Variants in SGPL1 observed in about 807,000 individuals in gnomAD.
SGPL1 encodes the protein SP-lyase 1.
Under a neutral mutation model 68.9 loss-of-function variants are expected in SGPL1, and 37 were observed. The observed-to-expected ratio is 0.54, with a 90% CI of 0.41 to 0.71. The LOEUF (loss-of-function observed/expected upper bound fraction) is 0.71. SGPL1 is among the 30% of genes least tolerant of loss of function. The probability of loss-of-function intolerance (pLI) is 0.00; values close to 1 mark genes in which losing one functional copy is unlikely to be tolerated. For synonymous variants in SGPL1, 236 were observed against 248.5 expected (o/e 0.95, Z 0.47); for missense variants, 551 against 704.6 (o/e 0.78, Z 2.47).
intron 2 of SGPL1, among the ~76,000 whole-genome samples, chr10:70,825,364 C>T (rs1339079913): frequency 2.0e-5 from 3 of 152,118 alleles, no homozygotes; most frequent in South Asian, 2.1e-4. Context: ...GGCACATAGC[C>T]GAGCTGGAAA....
chr10:70,839,966 T>C (rs906297319), intron 2 of SGPL1, among the ~76,000 whole-genome samples: 1 of 152,096 alleles, frequency 6.6e-6, no homozygotes, highest in Non-Finnish European at 1.5e-5. Flanking sequence ...CAAATTTGTT[T>C]TGGGCTACAT....
intron 8 of SGPL1, 60 bp from the exon 9 acceptor site, chr10:70,869,732 A>C: frequency 8.1e-7 from 1 of 1,232,520 alleles, no homozygotes; most frequent in Non-Finnish European, 1.2e-6. Context: ...ATTAGCTGCT[A>C]ATGGTGTTTT....
intron 2 of SGPL1, 119 bp from the exon 3 acceptor site, chr10:70,844,354 A>G (rs1845758878): frequency 3.5e-6 from 3 of 852,992 alleles, no homozygotes; most frequent in Non-Finnish European, 5.3e-6. Flanking sequence ...TTATTGCTGA[A>G]GAAGGGCAAG....
At chr10:70,853,821 C>G (rs1845922362) in intron 4 of SGPL1, among the ~76,000 whole-genome samples, 2 of 152,210 alleles carry the variant, frequency 1.3e-5, no homozygotes, top group Admixed American at 1.3e-4. Flanking sequence ...AAGCTGTCGA[C>G]AGCAGCTTAA....
rs376831632 is a variant in SGPL1 at position 70,857,647 on chromosome 10, C to T, written c.443C>T (p.Thr148Ile). The T allele has an allele frequency of 6.6e-5, 107 of 1,613,244 alleles. 1 individual carries two copies. Among genetic ancestry groups the T allele is most frequent in the Non-Finnish European group, 8.9e-5 (105 of 1,179,542 alleles). Residue 148 changes from threonine (T) to isoleucine (I), a missense_variant, in exon 6 of 15, where the codon ACA (threonine) becomes ATA (isoleucine). Thr to Ile is a moderately conservative substitution (Grantham distance 89, BLOSUM62 -1). Transcript: ENST00000373202. ...AFWQEGRASG[T>I]VYSGEEKLTE... ...TGGCAAGAGGGGAGAGCCTCTGGAACAGTGTACAGTGGGGAGGAGAAGCTC... is the reference window on the plus strand; with the variant it reads ...TGGCAAGAGGGGAGAGCCTCTGGAATAGTGTACAGTGGGGAGGAGAAGCTC...
Position 70,835,651 on chromosome 10 carries a change from G to A in SGPL1, c.28-8822G>A, listed in dbSNP as rs528960916. Among the ~76,000 whole-genome samples, 6 of 151,254 alleles carry A rather than the reference G, an allele frequency of 4.0e-5. No homozygotes were observed. The East Asian group carries it at 1.2e-3, about 29-fold the overall frequency. On this transcript the variant is annotated intron_variant, in intron 2 of 14. Transcript: ENST00000373202. Reference sequence around the variant, plus strand: ...CTTGGGAGGCTGAGGCAGGAGAATGGCTTGAACCCGGGAGGTGGAGTTTGC... The same window carrying A: ...CTTGGGAGGCTGAGGCAGGAGAATGACTTGAACCCGGGAGGTGGAGTTTGC...
chr10:70,855,408 G>C (rs1211556557), intron 5 of SGPL1, among the ~76,000 whole-genome samples: 2 of 152,210 alleles, frequency 1.3e-5, no homozygotes, highest in East Asian at 3.8e-4. Context: ...AGACCAAATA[G>C]CTTGGTGCTT....
intron 7 of SGPL1, among the ~76,000 whole-genome samples, chr10:70,863,065 G>T (rs1397268295): frequency 1.3e-5 from 2 of 152,118 alleles, no homozygotes; most frequent in East Asian, 3.9e-4. Context: ...GCTCACTGCA[G>T]CCTTGACCTC....
chr10:70,822,668 A>G (rs187186415), intron 2 of SGPL1, among the ~76,000 whole-genome samples: 1 of 152,340 alleles, frequency 6.6e-6, no homozygotes, highest in African/African-American at 2.4e-5. Context: ...TATATCAGTC[A>G]TATCTTGGCA....
chr10:70,828,381 G>C (rs1409809411), intron 2 of SGPL1, among the ~76,000 whole-genome samples: 1 of 152,156 alleles, frequency 6.6e-6, no homozygotes, highest in Non-Finnish European at 1.5e-5. Context: ...GAGTGCGGTG[G>C]TGCGATCATG....
intron 2 of SGPL1, among the ~76,000 whole-genome samples, chr10:70,827,401 C>T (rs1845456147): frequency 6.6e-6 from 1 of 152,102 alleles, no homozygotes; most frequent in Admixed American, 6.6e-5. Context: ...TGTATATTTG[C>T]TGAGATTTTG....
chr10:70,816,428 G>T (rs7086696), intron 1 of SGPL1, among the ~76,000 whole-genome samples: 5 of 152,192 alleles, frequency 3.3e-5, no homozygotes, highest in African/African-American at 1.2e-4. Context: ...ACGAGAGCGA[G>T]GCCGTGCTGA....
intron 2 of SGPL1, among the ~76,000 whole-genome samples, chr10:70,829,157 A>G (rs1020644353): frequency 3.3e-5 from 5 of 152,218 alleles, no homozygotes; most frequent in Non-Finnish European, 7.3e-5. Context: ...CTGAAAACAC[A>G]CAGGTTTACG....
At chr10:70,851,372 G>C (rs1223004420) in intron 4 of SGPL1, among the ~76,000 whole-genome samples, 162 bp downstream of exon 4, 3 of 152,118 alleles carry the variant, frequency 2.0e-5, no homozygotes, top group Non-Finnish European at 1.5e-5. Flanking sequence ...GTCACAGCTT[G>C]GATGGAGGGG....
intron 6 of SGPL1, among the ~76,000 whole-genome samples, chr10:70,858,390 G>C (rs1419054893): frequency 1.3e-5 from 2 of 152,072 alleles, no homozygotes; most frequent in Non-Finnish European, 2.9e-5. Context: ...CTCCTGCCTT[G>C]GCCTCTGAAA....
At chr10:70,857,737 T>C (rs1422210869) in intron 6 of SGPL1, 47 bp downstream of exon 6, 2 of 1,235,158 alleles carry the variant, frequency 1.6e-6, no homozygotes, top group Admixed American at 2.4e-5. Flanking sequence ...TGTGCCAGTT[T>C]ACATGACCTC....
intron 2 of SGPL1, among the ~76,000 whole-genome samples, chr10:70,823,943 T>A (rs1312081460): frequency 6.6e-6 from 1 of 152,212 alleles, no homozygotes; most frequent in East Asian, 1.9e-4. Flanking sequence ...CAAAATCATG[T>A]AAATAAAAAG....
rs141539153 is a variant in SGPL1, at chr10:70,874,241, A to G, written c.1298+652A>G. Among the ~76,000 whole-genome samples, 6 of 152,152 alleles carry G rather than the reference A, an allele frequency of 3.9e-5. No individual in the cohort carries two copies. In the East Asian group the frequency reaches 1.2e-3, roughly 30 times the overall value. On this transcript the variant is annotated intron_variant, in intron 12 of 14. Transcript: ENST00000373202. ...TCACTTGGATTGGGGAGGCTCTTTA[A>G]GTATATTGAGGGGGAAGGAAAGCTG...
chr10:70,853,577 CAGG>C (rs759023594), intron 4 of SGPL1, among the ~76,000 whole-genome samples: 114 of 152,284 alleles, frequency 7.5e-4, no homozygotes, highest in South Asian at 1.7e-3. Context: ...TTCATGAGGA[CAGG>C]AGGTTTTTTT....
Sources: allele counts gnomAD v4.1 joint callset (sites outside exome capture counted in the v4.1 genomes callset), GRCh38; gene constraint gnomAD v4.1.1; transcripts MANE v1.5; gene names NCBI Gene and HGNC (gene_info 2026-07-23, HGNC 2026-07-21).